Variants in SORBS2 observed in about 807,000 individuals in gnomAD.
SORBS2 encodes sorbin and SH3 domain-containing protein 2.
In SORBS2, 46 loss-of-function variants were observed where a neutral mutation model predicts 97.7. That is an observed-to-expected ratio of 0.47 (90% CI 0.37 to 0.60). SORBS2 has a LOEUF of 0.60. Among genes scored for constraint, SORBS2 ranks in the 20% least tolerant of loss-of-function variants. The pLI is 0.00. For synonymous variants in SORBS2, 476 were observed against 473.4 expected, an observed-to-expected ratio of 1.01 and a Z score of -0.07; for missense variants, 1,316 against 1,282.3, an observed-to-expected ratio of 1.03 and a Z score of -0.40.
At chr4:185,703,661 T>C (rs1417193749) in intron 2 of SORBS2, among the ~76,000 whole-genome samples, 1 of 152,206 alleles carries the variant, frequency 6.6e-6, no homozygotes, top group Non-Finnish European at 1.5e-5. Context: ...TTGATTACTG[T>C]TGAGAAATGT....
chr4:185,871,486 T>C (rs1003755098), intron 1 of SORBS2, among the ~76,000 whole-genome samples: 3 of 152,204 alleles, frequency 2.0e-5, no homozygotes, highest in African/African-American at 7.2e-5. Flanking sequence ...AGGAATAAAA[T>C]TCAGGGATGC....
At chr4:185,587,465 A>T (rs1580323710) in exon 15 of SORBS2, 1 of 641,320 alleles carries the variant, frequency 1.6e-6, no homozygotes, top group Admixed American at 2.4e-5. Context: ...CCAGGCTCAC[A>T]GCAGCGGCGG....
chr4:185,587,394 C>T (rs1235312114), exon 15 of SORBS2: 3 of 480,196 alleles, frequency 6.2e-6, no homozygotes, highest in African/African-American at 4.0e-5. Flanking sequence ...CGTGTCAAAG[C>T]TTAGAGCAGG....
At chr4:185,837,971 GAA>G (rs2099209129) in intron 1 of SORBS2, among the ~76,000 whole-genome samples, 1 of 152,196 alleles carries the variant, frequency 6.6e-6, no homozygotes, top group Non-Finnish European at 1.5e-5. Flanking sequence ...TGAATGTGGA[GAA>G]AGTCTCTAGC....
At chr4:185,868,159 C>CTTTTTTTTTTTTTTTT (rs112680775) in intron 1 of SORBS2, among the ~76,000 whole-genome samples, 54 of 105,214 alleles carry the variant, frequency 5.1e-4, no homozygotes, top group African/African-American at 9.8e-4. Flanking sequence ...TTTTTTCTTT[C>CTTTTTTTTTTTTTTTT]TTTTTTTTTT....
rs767439668 is a variant in SORBS2 at position 185,623,236 on chromosome 4, C to T, written c.1893G>A (p.Val631=). The T allele has an allele frequency of 6.2e-7, 1 of 1,614,144 alleles. No individual in the cohort carries two copies. Among genetic ancestry groups the T allele is most frequent in the South Asian group, 1.1e-5 (1 of 91,084 alleles). The change falls in exon 7 of 15, where the codon GTG becomes GTA. Residue 631 remains valine (V), a synonymous_variant. Transcript: ENST00000418609. The surrounding 1 kb of genome is among the most constrained non-coding windows in gnomAD (Gnocchi z 6.4). ...TAAGGGCAGAGTCCAGAGCCTCAAA[C>T]ACAGATGCTTTACATTTTGCCTTTT...
intron 2 of SORBS2, among the ~76,000 whole-genome samples, chr4:185,725,765 C>G (rs1277173322): frequency 2.0e-5 from 3 of 152,082 alleles, no homozygotes; most frequent in Non-Finnish European, 4.4e-5. Context: ...GTCCCTAGTT[C>G]TCCCCCTAAT....
intron 1 of SORBS2, among the ~76,000 whole-genome samples, chr4:185,787,673 C>T (rs1186867365): frequency 6.6e-6 from 1 of 152,190 alleles, no homozygotes; most frequent in Non-Finnish European, 1.5e-5. Context: ...TGTCTCCACC[C>T]TATCCTAAGT....
intron 4 of SORBS2, among the ~76,000 whole-genome samples, chr4:185,670,088 A>G (rs370680827): frequency 2.0e-5 from 3 of 152,028 alleles, no homozygotes; most frequent in Admixed American, 6.6e-5. Context: ...GCGTGATGGC[A>G]GGTGCCTGTA....
At chr4:185,610,790 C>A (rs1229853266) in intron 12 of SORBS2, among the ~76,000 whole-genome samples, 2 of 151,932 alleles carry the variant, frequency 1.3e-5, no homozygotes, top group Non-Finnish European at 2.9e-5. Context: ...CATGTCCTAG[C>A]CTTGATCTCA....
intron 1 of SORBS2, among the ~76,000 whole-genome samples, chr4:185,785,602 C>T (rs2099052613): frequency 6.6e-6 from 1 of 152,194 alleles, no homozygotes; most frequent in Non-Finnish European, 1.5e-5. Flanking sequence ...GTGGCTGCTA[C>T]AATCTTCTTG....
chr4:185,776,463 A>G (rs1288990694), intron 1 of SORBS2, among the ~76,000 whole-genome samples: 1 of 152,160 alleles, frequency 6.6e-6, no homozygotes, highest in Admixed American at 6.6e-5. Flanking sequence ...GCAGTTAAGT[A>G]TGTTTATGAA....
At chr4:185,886,579 G>GAAAAAAAAAAGAAAAAA in intron 1 of SORBS2, among the ~76,000 whole-genome samples, 1 of 127,928 alleles carries the variant, frequency 7.8e-6, no homozygotes, top group Non-Finnish European at 1.7e-5. Context: ...AAAAAGAAAA[G>GAAAAAAAAAAGAAAAAA]AAAAAAAAAA....
intron 8 of SORBS2, among the ~76,000 whole-genome samples, chr4:185,619,417 C>A (rs889746411): frequency 2.0e-5 from 3 of 152,232 alleles, no homozygotes; most frequent in Non-Finnish European, 4.4e-5. Flanking sequence ...CCCACAGGCT[C>A]TGGACTACAT....
chr4:185,863,774 A>T (rs906774217), intron 1 of SORBS2, among the ~76,000 whole-genome samples: 8 of 152,188 alleles, frequency 5.3e-5, no homozygotes, highest in Non-Finnish European at 2.9e-5. Flanking sequence ...CCATTTTTAC[A>T]TTTTTATTAA....
At chr4:185,779,243 A>G (rs2099015514) in intron 1 of SORBS2, among the ~76,000 whole-genome samples, 1 of 151,706 alleles carries the variant, frequency 6.6e-6, no homozygotes, top group Non-Finnish European at 1.5e-5. Context: ...CCTGCCACTT[A>G]CGCGTGGCTG....
intron 1 of SORBS2, among the ~76,000 whole-genome samples, chr4:185,789,842 G>T (rs1350611064): frequency 6.6e-6 from 1 of 152,134 alleles, no homozygotes; most frequent in Non-Finnish European, 1.5e-5. Context: ...TGCTATTCTT[G>T]CTTCTTGACC....
chr4:185,716,176 G>C (rs550809224), intron 2 of SORBS2, among the ~76,000 whole-genome samples: 1 of 152,356 alleles, frequency 6.6e-6, no homozygotes, highest in East Asian at 1.9e-4. Flanking sequence ...ACAGAGATGG[G>C]CGTGGTCTCC....
At chr4:185,659,492 C>G (rs113671814), upstream of SORBS2, among the ~76,000 whole-genome samples, 9 of 152,096 alleles carry the variant, frequency 5.9e-5, no homozygotes, top group South Asian at 4.2e-4. Flanking sequence ...TCTCGGCTCA[C>G]TGCAAGCTCC....
Sources: allele counts gnomAD v4.1 joint callset (sites outside exome capture counted in the v4.1 genomes callset), GRCh38; gene constraint gnomAD v4.1.1; non-coding constraint Gnocchi (gnomAD v3.1); transcripts MANE v1.5; gene names NCBI Gene and HGNC (gene_info 2026-07-23, HGNC 2026-07-21).